SMOC2: variants seen among roughly 807,000 people sequenced by gnomAD.
SMOC2 encodes SPARC-related modular calcium-binding protein 2.
SMOC2 carries 39 observed loss-of-function variants against 61.4 expected under a neutral mutation model. The observed-to-expected ratio is 0.64, with a 90% confidence interval of 0.49 to 0.83. SMOC2 has a LOEUF of 0.83. SMOC2 is among the 40% of genes least tolerant of loss of function. SMOC2 has a pLI of 0.00. For missense variants in SMOC2, 556 were observed against 592.9 expected, an observed-to-expected ratio of 0.94 and a Z score of 0.65; for synonymous variants, 247 against 239.9, an observed-to-expected ratio of 1.03 and a Z score of -0.27.
intron 1 of SMOC2, among the ~76,000 whole-genome samples, chr6:168,443,920 ATC>A (rs1355541738): frequency 3.9e-5 from 6 of 152,150 alleles, no homozygotes; most frequent in African/African-American, 1.4e-4. Context: ...AGAATACATA[ATC>A]TCTTTCAAGC....
At chr6:168,472,753 C>A (rs187107983) in intron 1 of SMOC2, among the ~76,000 whole-genome samples, 2 of 152,234 alleles carry the variant, frequency 1.3e-5, no homozygotes, top group East Asian at 1.9e-4. Flanking sequence ...GGACACATTG[C>A]AGAAGAAAGT....
At chr6:168,484,503 A>G (rs1241202577) in intron 1 of SMOC2, among the ~76,000 whole-genome samples, 2 of 152,210 alleles carry the variant, frequency 1.3e-5, no homozygotes, top group Non-Finnish European at 2.9e-5. Context: ...GTAATATACA[A>G]TGGTAAAGCT....
At chr6:168,478,239 T>C (rs1273108744) in intron 1 of SMOC2, among the ~76,000 whole-genome samples, 1 of 152,168 alleles carries the variant, frequency 6.6e-6, no homozygotes, top group Non-Finnish European at 1.5e-5. Flanking sequence ...GCATAGAGAC[T>C]TGGGACCACA....
At chr6:168,583,917 G>A (rs756893615) in intron 7 of SMOC2, among the ~76,000 whole-genome samples, 34 of 152,218 alleles carry the variant, frequency 2.2e-4, no homozygotes, top group East Asian at 7.7e-4. Flanking sequence ...CAGCCGCTCC[G>A]TCAGGGATGA....
intron 1 of SMOC2, among the ~76,000 whole-genome samples, chr6:168,494,974 C>T (rs775109859): frequency 2.6e-4 from 39 of 152,340 alleles, no homozygotes; most frequent in Non-Finnish European, 4.0e-4. Context: ...CCTCGCTCGG[C>T]CTTGCCCCTT....
chr6:168,542,637 G>A (rs1406794749), intron 4 of SMOC2, among the ~76,000 whole-genome samples: 1 of 152,030 alleles, frequency 6.6e-6, no homozygotes, highest in Non-Finnish European at 1.5e-5. Context: ...AGGGGTGTCT[G>A]GGCACTGTGA....
rs377487674 is a variant in SMOC2 at position 168,617,936 on chromosome 6, A to G, written c.907+9697A>G. 3.5e-4 allele frequency among the ~76,000 whole-genome samples: 54 copies of G among 152,350 alleles called. 1 individual carries two copies. In the East Asian group the frequency reaches 6.8e-3, roughly 19 times the overall value. On this transcript the variant is annotated intron_variant, in intron 9 of 12. Coordinates refer to ENST00000356284, the MANE Select transcript of SMOC2 (RefSeq NM_001166412.2). ...CTGAGGGGCCATGCCTCCAGCACAC[A>G]GGACACAGGTCATTTCCCTGAGAGG...
Position 168,484,618 on chromosome 6 carries a change from A to T in SMOC2, c.85-25297A>T, listed in dbSNP as rs138173709. Among the ~76,000 whole-genome samples, 742 of 152,346 alleles carry T rather than the reference A, an allele frequency of 4.9e-3. 3 individuals are homozygous for T. The highest frequency in any genetic ancestry group is 8.0e-3 in the Admixed American group (123 of 15,308). On this transcript the variant is annotated intron_variant, in intron 1 of 12. Transcript: ENST00000356284. Reference sequence around the variant, plus strand: ...ATGTACCCAATAGAACTGAAAGCAGATTCTCAAAGAGATATTTGTATACTC... The same window carrying T: ...ATGTACCCAATAGAACTGAAAGCAGTTTCTCAAAGAGATATTTGTATACTC...
intron 9 of SMOC2, among the ~76,000 whole-genome samples, chr6:168,647,903 T>G (rs1787084103): frequency 6.6e-6 from 1 of 152,214 alleles, no homozygotes. Flanking sequence ...GCTTCTTGTT[T>G]TAGAAGTACA....
At chr6:168,515,028 C>G (rs922942275) in intron 2 of SMOC2, among the ~76,000 whole-genome samples, 1 of 152,172 alleles carries the variant, frequency 6.6e-6, no homozygotes, top group Non-Finnish European at 1.5e-5. Flanking sequence ...ACAGGGAGAA[C>G]AAATGTCAAT....
chr6:168,510,052 C>G lies in SMOC2; in HGVS notation c.222C>G (p.Pro74=), dbSNP rs141494796. 1.2e-6 allele frequency: 2 copies of G among 1,614,034 alleles called. No individual in the cohort carries two copies. Among genetic ancestry groups the G allele is most frequent in the Non-Finnish European group, 1.7e-6 (2 of 1,180,010 alleles). The stretch of plus-strand genomic sequence containing the variant: ...TTCAACGTGCCAAGTGCAAAGATCC[C>G]CAGCTAGAGATTGCATATCGAGGAA... ...CEFQRAKCKD[P]QLEIAYRGNC... is the part of the protein sequence containing the mutation. The change falls in exon 2 of 13, where the codon CCC becomes CCG. Residue 74 remains proline (P), a synonymous_variant. Transcript: ENST00000356284.
At chr6:168,508,717 G>C (rs1583065945) in intron 1 of SMOC2, among the ~76,000 whole-genome samples, 1 of 152,232 alleles carries the variant, frequency 6.6e-6, no homozygotes, top group African/African-American at 2.4e-5. Flanking sequence ...AACTGGAAGA[G>C]GGATTGGACC....
In SMOC2 at chr6:168,441,214, G is replaced by A. The variant is rs1446975996; in HGVS notation, c.-157G>A. The A allele has an allele frequency of 1.5e-5, 17 of 1,158,918 alleles. No individual in the cohort carries two copies. The highest frequency in any genetic ancestry group is 3.3e-5 in the East Asian group (1 of 30,310). The allele number at this position is 1,158,918 out of a possible 1,614,324, so 71.8% of individuals were successfully genotyped here. On this transcript the variant is annotated 5_prime_UTR_variant, in exon 1 of 13. Coordinates refer to ENST00000356284, the MANE Select transcript of SMOC2 (RefSeq NM_001166412.2). ...GGAGGACCTCTGGGTGCCTGCAGGG[G>A]AGCTGCTCCAGCCGGGCCGCCGGGA...
At chr6:168,626,803 C>T (rs919779021) in intron 9 of SMOC2, among the ~76,000 whole-genome samples, 18 of 152,242 alleles carry the variant, frequency 1.2e-4, no homozygotes, top group Admixed American at 5.2e-4. Context: ...TTTTAGGTAA[C>T]GGCTGAAGGA....
At chr6:168,466,480 G>A (rs1781837393) in intron 1 of SMOC2, among the ~76,000 whole-genome samples, 1 of 152,210 alleles carries the variant, frequency 6.6e-6, no homozygotes, top group African/African-American at 2.4e-5. Flanking sequence ...GGGAAGGGTT[G>A]AGAGACACTT....
At chr6:168,466,820 C>G (rs1309240401) in intron 1 of SMOC2, among the ~76,000 whole-genome samples, 3 of 152,222 alleles carry the variant, frequency 2.0e-5, no homozygotes, top group Non-Finnish European at 4.4e-5. Context: ...CGCTTGGTTT[C>G]TCCCGGATGT....
At chr6:168,606,384 T>C (rs891387045) in intron 8 of SMOC2, among the ~76,000 whole-genome samples, 1 of 152,208 alleles carries the variant, frequency 6.6e-6, no homozygotes, top group Middle Eastern at 3.4e-3. Context: ...CAAAAAGATA[T>C]ATTAAGTTTG....
intron 7 of SMOC2, among the ~76,000 whole-genome samples, chr6:168,568,530 C>T (rs1206755152): frequency 6.6e-6 from 1 of 152,116 alleles, no homozygotes; most frequent in Non-Finnish European, 1.5e-5. Context: ...TTCTATGAGT[C>T]ATGACAAATG....
rs1554256188 is a variant in SMOC2 at position 168,664,382 on chromosome 6, ATCTTTTTTTTTTTT to A, written c.1323+273_1323+286del. On this transcript the variant is annotated intron_variant, in intron 12 of 12. Coordinates refer to ENST00000356284, the MANE Select transcript of SMOC2 (RefSeq NM_001166412.2). Reference sequence around the variant, plus strand: ...ATTTCTGAGTTTCCTTGTTTGGTAGATCTTTTTTTTTTTTTTTTTTTTTTTTTTTTTTTTAAGAG... The same window carrying A: ...ATTTCTGAGTTTCCTTGTTTGGTAGATTTTTTTTTTTTTTTTTTTTAAGAG... 1.7e-5 allele frequency: 5 copies of A among 302,560 alleles called. No homozygotes were observed. The African/African-American group carries it at 1.7e-4, about 10-fold the overall frequency. The allele number at this position is 302,560 out of a possible 1,614,324, so 18.7% of individuals were successfully genotyped here.
Sources: gnomAD v4.1 joint callset for allele counts (sites outside exome capture counted in the v4.1 genomes callset) on GRCh38, gnomAD v4.1.1 for gene constraint, MANE v1.5 for transcripts, NCBI Gene and HGNC (gene_info 2026-07-23, HGNC 2026-07-21) for gene names.